Variants in CDH13 observed in about 807,000 individuals in gnomAD.
CDH13 encodes the protein cadherin 13, also known as cadherin-13.
Under a neutral mutation model 63.8 loss-of-function variants are expected in CDH13, and 24 were observed. The ratio of observed to expected loss-of-function variants is 0.38; its 90% CI spans 0.27 to 0.53. The LOEUF (loss-of-function observed/expected upper bound fraction) is 0.53. Ranked by LOEUF, CDH13 falls within the 20% of genes least tolerant of loss-of-function variation. CDH13 has a pLI of 0.85. For missense variants in CDH13, 1,049 were observed against 903.1 expected, an observed-to-expected ratio of 1.16 and a Z score of -2.07; for synonymous variants, 503 against 355.3, an observed-to-expected ratio of 1.42 and a Z score of -4.67.
At chr16:83,082,922 A>G (rs1020442757) in intron 3 of CDH13, among the ~76,000 whole-genome samples, 5 of 152,216 alleles carry the variant, frequency 3.3e-5, no homozygotes, top group Admixed American at 6.5e-5. Context: ...AAAATGATTT[A>G]TGTCTATTCC....
intron 4 of CDH13, among the ~76,000 whole-genome samples, chr16:83,214,259 T>A (rs1387283100): frequency 6.6e-6 from 1 of 151,992 alleles, no homozygotes; most frequent in Non-Finnish European, 1.5e-5. Context: ...ACTTCTCTTC[T>A]GGGAGGCCTG....
intron 11 of CDH13, among the ~76,000 whole-genome samples, chr16:83,755,420 G>C (rs1913425700): frequency 6.6e-6 from 1 of 152,146 alleles, no homozygotes; most frequent in Non-Finnish European, 1.5e-5. Context: ...TTCCAAAACT[G>C]ATGAAAGACA....
At chr16:83,385,503 A>T (rs946219131) in intron 6 of CDH13, among the ~76,000 whole-genome samples, 1 of 152,236 alleles carries the variant, frequency 6.6e-6, no homozygotes, top group Non-Finnish European at 1.5e-5. Flanking sequence ...CCATAATCTC[A>T]GTGTCTTAAT....
At chr16:83,009,608 C>T (rs1275910367) in intron 2 of CDH13, among the ~76,000 whole-genome samples, 2 of 152,154 alleles carry the variant, frequency 1.3e-5, no homozygotes, top group Admixed American at 6.5e-5. Flanking sequence ...ACCACTCTGA[C>T]TCCAAAGCCA....
intron 6 of CDH13, among the ~76,000 whole-genome samples, chr16:83,391,884 G>C (rs1339555437): frequency 6.6e-6 from 1 of 152,156 alleles, no homozygotes; most frequent in Non-Finnish European, 1.5e-5. Context: ...GGGTTTGAGT[G>C]TAAAATCGAG....
chr16:83,328,015 C>G (rs2090402683), intron 5 of CDH13, among the ~76,000 whole-genome samples: 1 of 151,858 alleles, frequency 6.6e-6, no homozygotes, highest in African/African-American at 2.4e-5. Context: ...TGCCTGTAGT[C>G]CCAGCTACTC....
intron 3 of CDH13, among the ~76,000 whole-genome samples, chr16:83,077,672 C>T (rs563818392): frequency 2.0e-5 from 3 of 152,256 alleles, no homozygotes; most frequent in Admixed American, 2.0e-4. Flanking sequence ...GCTATAAAAA[C>T]GTTCATGCAC....
intron 11 of CDH13, among the ~76,000 whole-genome samples, chr16:83,775,266 C>A (rs1356489545): frequency 6.6e-6 from 1 of 151,752 alleles, no homozygotes; most frequent in Non-Finnish European, 1.5e-5. Context: ...TTGCAATCTG[C>A]GTGTCTGTGG....
At chr16:83,792,080 T>C (rs3096242) in intron 13 of CDH13, among the ~76,000 whole-genome samples, 132,348 of 152,278 alleles carry the variant, frequency 0.87, 57,493 homozygotes, top group Admixed American at 0.89. Flanking sequence ...TGTCTTAAAG[T>C]GTACCAGTAT....
At chr16:83,755,861 A>T (rs543808861) in intron 11 of CDH13, among the ~76,000 whole-genome samples, 1 of 152,358 alleles carries the variant, frequency 6.6e-6, no homozygotes, top group Non-Finnish European at 1.5e-5. Flanking sequence ...CACAAGAAAC[A>T]TAAATAAAAA....
intron 1 of CDH13, among the ~76,000 whole-genome samples, chr16:82,847,912 AC>A (rs2039332362): frequency 8.6e-6 from 1 of 116,322 alleles, no homozygotes; most frequent in Non-Finnish European, 2.0e-5. Flanking sequence ...TTTTTTTTGT[AC>A]TTCACAGATA....
At chr16:83,681,273 A>C (rs1915381832) in intron 10 of CDH13, among the ~76,000 whole-genome samples, 1 of 152,142 alleles carries the variant, frequency 6.6e-6, no homozygotes, top group Non-Finnish European at 1.5e-5. Flanking sequence ...CCAAAGGTGA[A>C]CCTTGTGAAC....
chr16:83,695,391 A>C (rs148797402), intron 10 of CDH13, among the ~76,000 whole-genome samples: 1 of 152,292 alleles, frequency 6.6e-6, no homozygotes, highest in African/African-American at 2.4e-5. Flanking sequence ...ATAGGATCGC[A>C]AATGCTGTGA....
intron 5 of CDH13, among the ~76,000 whole-genome samples, chr16:83,268,769 A>T (rs1357700463): frequency 1.3e-5 from 2 of 152,230 alleles, no homozygotes; most frequent in Admixed American, 6.5e-5. Flanking sequence ...ATGAACTACT[A>T]TTGGGTATAA....
At chr16:83,736,223 T>C (rs1911526936) in intron 10 of CDH13, among the ~76,000 whole-genome samples, 2 of 152,198 alleles carry the variant, frequency 1.3e-5, no homozygotes, top group Non-Finnish European at 2.9e-5. Context: ...AAAGCATCTG[T>C]GTAATGCTTT....
intron 2 of CDH13, among the ~76,000 whole-genome samples, chr16:82,993,821 GA>G (rs1463966556): frequency 6.6e-6 from 1 of 152,138 alleles, no homozygotes; most frequent in Non-Finnish European, 1.5e-5. Flanking sequence ...ACGTCATTTT[GA>G]CAGGGTTATA....
intron 1 of CDH13, among the ~76,000 whole-genome samples, chr16:82,738,681 TTCTC>T (rs1275905747): frequency 6.6e-5 from 10 of 152,248 alleles, no homozygotes; most frequent in Non-Finnish European, 1.5e-5. Flanking sequence ...TTTCCTAGAA[TTCTC>T]TCTTTCTCCT....
At chr16:83,285,141 T>C (rs1209280841) in intron 5 of CDH13, among the ~76,000 whole-genome samples, 1 of 152,170 alleles carries the variant, frequency 6.6e-6, no homozygotes, top group Non-Finnish European at 1.5e-5. Flanking sequence ...AGAGTATCGA[T>C]GTGATCCTAC....
At position 83,729,141 on chromosome 16, in the gene CDH13, G is replaced by A. The variant is rs1257179284; in HGVS notation, c.1539-18967G>A. The A allele has an allele frequency of 3.3e-5, 5 of 152,250 alleles. No individual in the cohort carries two copies. In the East Asian group the frequency reaches 7.7e-4, roughly 23 times the overall value. The allele number at this position is 152,250 out of a possible 1,614,324, so 9.4% of individuals were successfully genotyped here. A position where few individuals can be genotyped will look rare whatever the true frequency, so the allele number is the denominator to read the frequency against. ...CACCTCCAAGTACTGCCACAATGGGGGTTAGAGTTCTATCAACATCCGAAT... is the reference window on the plus strand; with the variant it reads ...CACCTCCAAGTACTGCCACAATGGGAGTTAGAGTTCTATCAACATCCGAAT... On this transcript the variant is annotated intron_variant, in intron 10 of 13. Coordinates refer to ENST00000567109, the MANE Select transcript of CDH13 (RefSeq NM_001257.5).
Sources: gnomAD v4.1 joint callset for allele counts (sites outside exome capture counted in the v4.1 genomes callset) on GRCh38, gnomAD v4.1.1 for gene constraint, MANE v1.5 for transcripts, NCBI Gene and HGNC (gene_info 2026-07-23, HGNC 2026-07-21) for gene names.